COL15A1: variants seen among roughly 807,000 people sequenced by gnomAD.
COL15A1 encodes collagen type XV alpha 1 chain, also known as collagen alpha-1(XV) chain.
COL15A1 carries 111 observed loss-of-function variants against 165.9 expected under a neutral mutation model. That is an observed-to-expected ratio of 0.67 (90% CI 0.57 to 0.78). The LOEUF is 0.78. COL15A1 is among the 30% of genes least tolerant of loss of function. The pLI, the probability that COL15A1 is intolerant of heterozygous loss-of-function variation, is 0.00. For synonymous variants in COL15A1, 659 were observed against 674.8 expected, an observed-to-expected ratio of 0.98 and a Z score of 0.36; for missense variants, 1,745 against 1,789.7, an observed-to-expected ratio of 0.98 and a Z score of 0.45.
intron 21 of COL15A1, among the ~76,000 whole-genome samples, chr9:99,036,633 A>G (rs1839306607): frequency 6.6e-6 from 1 of 152,186 alleles, no homozygotes; most frequent in South Asian, 2.1e-4. Context: ...AATTGAAAAA[A>G]CAGGCTAGGA....
Position 99,040,744 on chromosome 9 carries a change from C to T in COL15A1, c.2511+188C>T, listed in dbSNP as rs1839387853. ...ATGTTGCCCAGGCTGGTCTGGAACT[C>T]CTGAGCTCAAGAAATCCATCTGCGT... On this transcript the variant is annotated intron_variant, in intron 23 of 41. Coordinates refer to ENST00000375001, the MANE Select transcript of COL15A1 (RefSeq NM_001855.5). The T allele has an allele frequency of 3.9e-6, 4 of 1,019,038 alleles. No homozygotes were observed. The African/African-American group carries it at 4.8e-5, about 12-fold the overall frequency. The allele number at this position is 1,019,038 out of a possible 1,614,324, so 63.1% of individuals were successfully genotyped here.
intron 2 of COL15A1, among the ~76,000 whole-genome samples, chr9:98,955,928 A>G (rs958703685): frequency 8.5e-5 from 13 of 152,374 alleles, no homozygotes; most frequent in African/African-American, 3.1e-4. Context: ...GTCACAGTTC[A>G]AGTTGGCAGG....
rs1371869733 is a variant in COL15A1 at position 99,025,966 on chromosome 9, G to A, written c.2043G>A (p.Lys681=). Residue 681 remains lysine, a splice_region_variant and synonymous_variant, in exon 16 of 42, where the codon AAG becomes AAA. Coordinates refer to ENST00000375001, the MANE Select transcript of COL15A1 (RefSeq NM_001855.5). ...GCCTTCCCGGGATGAAAGGGGAGAA[G>A]GTACGGGGAACACGGGAGGGTCCCA... ...ATGLPGMKGE[K]GARGPNGSVG... The A allele has an allele frequency of 1.1e-5, 18 of 1,610,738 alleles. No individual in the cohort carries two copies. Among genetic ancestry groups the A allele is most frequent in the Non-Finnish European group, 1.4e-5 (17 of 1,178,568 alleles).
Position 99,035,051 on chromosome 9 carries a change from G to A in COL15A1, c.2117G>A (p.Gly706Glu), listed in dbSNP as rs1222127908. 2 of 1,612,722 alleles carry A rather than the reference G, an allele frequency of 1.2e-6. No homozygotes were observed. The highest frequency in any genetic ancestry group is 1.7e-6 in the Non-Finnish European group (2 of 1,179,008). Reference protein sequence around the residue: ...PGNRGLPGPPGKKGQAGPPGV... With the variant: ...PGNRGLPGPPEKKGQAGPPGV... The stretch of plus-strand genomic sequence containing the variant: ...AACAGAGGCTTACCTGGACCCCCGG[G>A]GAAAAAGGGACAAGCTGGCCCTCCT... Residue 706 changes from glycine to glutamate, a missense_variant, in exon 18 of 42, where the codon GGG (glycine) becomes GAG (glutamate). Physicochemically the swap from Gly to Glu is moderately conservative, Grantham distance 98. Coordinates refer to ENST00000375001, the MANE Select transcript of COL15A1 (RefSeq NM_001855.5).
At chr9:98,951,555 G>C (rs887668653) in intron 2 of COL15A1, among the ~76,000 whole-genome samples, 3 of 152,246 alleles carry the variant, frequency 2.0e-5, no homozygotes, top group Admixed American at 2.0e-4. Flanking sequence ...GCATAGGCTA[G>C]TGCCATTTTT....
At position 99,049,054 on chromosome 9, in the gene COL15A1, C is replaced by T. The variant is rs7037539; in HGVS notation, c.2794-636C>T. Among the ~76,000 whole-genome samples the T allele has an allele frequency of 9.0e-3, 1,366 of 152,262 alleles. 23 individuals are homozygous for T. Among genetic ancestry groups the T allele is most frequent in the African/African-American group, 0.031 (1,289 of 41,540 alleles). On this transcript the variant is annotated intron_variant, in intron 28 of 41. Transcript: ENST00000375001. The stretch of plus-strand genomic sequence containing the variant: ...AACCGGCAGGCAAACCAGACACTGA[C>T]GCCTTCATTTAGAGTGATCAATACA...
intron 2 of COL15A1, 69 bp from the exon 3 acceptor site, chr9:98,985,496 G>A (rs1564028389): frequency 6.9e-6 from 10 of 1,439,670 alleles, no homozygotes; most frequent in East Asian, 2.3e-5. Flanking sequence ...TTGTGACTGC[G>A]TTTCTTCCTC....
At chr9:98,951,367 T>C (rs1204166000) in intron 2 of COL15A1, among the ~76,000 whole-genome samples, 1 of 152,226 alleles carries the variant, frequency 6.6e-6, no homozygotes, top group African/African-American at 2.4e-5. Flanking sequence ...TTAATCATGA[T>C]GCTTCCTAGT....
rs768386049 is a variant in COL15A1 at position 99,022,127 on chromosome 9, C to A, written c.1738C>A (p.Pro580Thr). The change falls in exon 13 of 42, where the codon CCT becomes ACT. Residue 580 changes from proline to threonine, a missense_variant. Physicochemically the swap from Pro to Thr is conservative, Grantham distance 38. Coordinates refer to ENST00000375001, the MANE Select transcript of COL15A1 (RefSeq NM_001855.5). The part of the protein sequence containing the change: ...AGEELPGPPE[P>T]SGPVGPTAGA... The stretch of plus-strand genomic sequence containing the variant: ...GGAGGAGCTTCCTGGCCCTCCTGAA[C>A]CTTCTGGGCCTGTTGGACCCACGGT... The A allele has an allele frequency of 6.2e-7, 1 of 1,614,134 alleles. No individual in the cohort carries two copies. The highest frequency in any genetic ancestry group is 1.1e-5 in the South Asian group (1 of 91,086).
intron 9 of COL15A1, among the ~76,000 whole-genome samples, chr9:99,012,501 G>A (rs544733859): frequency 6.6e-6 from 1 of 152,162 alleles, no homozygotes; most frequent in Non-Finnish European, 1.5e-5. Flanking sequence ...AGAAAGCAGA[G>A]AGATAGAGAA....
At chr9:98,957,964 C>T (rs1347746305) in intron 2 of COL15A1, among the ~76,000 whole-genome samples, 1 of 152,216 alleles carries the variant, frequency 6.6e-6, no homozygotes, top group Non-Finnish European at 1.5e-5. Context: ...TTCTCTATGC[C>T]ACCAGCACCT....
chr9:99,027,189 A>G (rs1260025771), intron 16 of COL15A1, among the ~76,000 whole-genome samples: 1 of 152,184 alleles, frequency 6.6e-6, no homozygotes, highest in African/African-American at 2.4e-5. Context: ...GCCCTGTGCT[A>G]GGGATGCGAT....
At chr9:99,030,881 A>G (rs931688411) in intron 16 of COL15A1, among the ~76,000 whole-genome samples, 1 of 152,224 alleles carries the variant, frequency 6.6e-6, no homozygotes. Flanking sequence ...CAACAAGCCA[A>G]TCATACCCAA....
chr9:99,024,619 T>C (rs113425182), intron 14 of COL15A1, among the ~76,000 whole-genome samples: 82 of 152,268 alleles, frequency 5.4e-4, no homozygotes, highest in African/African-American at 1.8e-3. Flanking sequence ...TATTCAGCCT[T>C]TTGGGAGAAA....
At chr9:99,042,022 T>C in intron 23 of COL15A1, 23 bp from the exon 24 acceptor site, 1 of 1,524,446 alleles carries the variant, frequency 6.6e-7, no homozygotes, top group Non-Finnish European at 9.0e-7. Flanking sequence ...AACAACCAAA[T>C]ACTATATAAC....
intron 2 of COL15A1, among the ~76,000 whole-genome samples, chr9:98,950,897 C>T (rs1837676814): frequency 6.6e-6 from 1 of 152,166 alleles, no homozygotes; most frequent in Non-Finnish European, 1.5e-5. Context: ...GCCACTGTGC[C>T]TGGCCTATTT....
intron 2 of COL15A1, among the ~76,000 whole-genome samples, chr9:98,963,909 T>C (rs1837906585): frequency 6.6e-6 from 1 of 152,152 alleles, no homozygotes; most frequent in Admixed American, 6.5e-5. Flanking sequence ...GGTGTGTGCT[T>C]GATAGTCATT....
At position 99,005,056 on chromosome 9, in the gene COL15A1, G is replaced by A; in HGVS notation, c.1353+6G>A. ...TCGGGGAAGAGGCCACTGTGGTAAGGATCGTACAGTGCCCAAAGGTTGAGG... is the reference window on the plus strand; with the variant it reads ...TCGGGGAAGAGGCCACTGTGGTAAGAATCGTACAGTGCCCAAAGGTTGAGG... On this transcript the variant is annotated splice_donor_region_variant and intron_variant, in intron 9 of 41. Transcript: ENST00000375001. 1 of 1,592,612 alleles carries A rather than the reference G, an allele frequency of 6.3e-7. No homozygotes were observed.
intron 2 of COL15A1, among the ~76,000 whole-genome samples, chr9:98,964,986 G>A (rs1025646210): frequency 8.5e-5 from 13 of 152,326 alleles, no homozygotes; most frequent in Admixed American, 7.2e-4. Flanking sequence ...CTGTTGGGAC[G>A]CCCCGGGCTG....
Sources: allele counts gnomAD v4.1 joint callset (sites outside exome capture counted in the v4.1 genomes callset), GRCh38; gene constraint gnomAD v4.1.1; transcripts MANE v1.5; gene names NCBI Gene and HGNC (gene_info 2026-07-23, HGNC 2026-07-21).